Variants in MRPL3 observed in about 807,000 individuals in gnomAD.
The protein encoded by MRPL3 is large ribosomal subunit protein uL3m.
MRPL3 carries 43 observed loss-of-function variants against 44.3 expected under a neutral mutation model. The observed-to-expected ratio is 0.97, with a 90% confidence interval of 0.76 to 1.25. The LOEUF is 1.25. Among genes scored for constraint, MRPL3 ranks in the 50% most tolerant of loss-of-function variants. MRPL3 has a pLI of 0.00. For missense variants in MRPL3, 406 were observed against 427.6 expected (o/e 0.95, Z 0.45); for synonymous variants, 171 against 152.3 (o/e 1.12, Z -0.91).
chr3:131,462,645 T>C lies in MRPL3; in HGVS notation c.*78A>G. ...TTGTTGTGACTAAGAAAGGAGAGTA[T>C]GATTTCTGGTGGTTATGATATCACT... On this transcript the variant is annotated 3_prime_UTR_variant, in exon 10 of 10. Coordinates refer to ENST00000264995, the MANE Select transcript of MRPL3 (RefSeq NM_007208.4). 1.5e-6 allele frequency: 2 copies of C among 1,359,242 alleles called. No individual in the cohort carries two copies. The highest frequency in any genetic ancestry group is 2.2e-5 in the Admixed American group (1 of 45,268). 84.2% of individuals were successfully genotyped at this position (1,359,242 alleles called of 1,614,324 possible).
chr3:131,471,210 T>A lies in MRPL3; in HGVS notation c.699A>T (p.Gln233His), dbSNP rs759586223. 5 of 1,613,428 alleles carry A rather than the reference T, an allele frequency of 3.1e-6. No homozygotes were observed. The Admixed American group carries it at 6.7e-5, about 22-fold the overall frequency. Residue 233 changes from glutamine to histidine, a missense_variant, in exon 7 of 10, where the codon CAA becomes CAT. Gln to His is a conservative substitution (Grantham distance 24). Coordinates refer to ENST00000264995, the MANE Select transcript of MRPL3 (RefSeq NM_007208.4). ...CTCCAGGTCTCCTGTGGGTTTTCGT[T>A]TGACCATGCGTAGCAGGCTGGCCTT... Reference protein sequence around the residue: ...GFKGQPATHGQTKTHRRPGAV... With the variant: ...GFKGQPATHGHTKTHRRPGAV...
At chr3:131,463,150 C>G (rs550446555) in intron 9 of MRPL3, among the ~76,000 whole-genome samples, 7 of 152,232 alleles carry the variant, frequency 4.6e-5, no homozygotes, top group African/African-American at 1.4e-4. Context: ...GGATTGCCCA[C>G]AGGATGAAAT....
At chr3:131,486,323 T>C (rs184769651) in intron 6 of MRPL3, among the ~76,000 whole-genome samples, 171 of 79,862 alleles carry the variant, frequency 2.1e-3, no homozygotes, top group African/African-American at 7.9e-3. Flanking sequence ...AAGCCAAAAT[T>C]GACAAATGGG....
intron 6 of MRPL3, among the ~76,000 whole-genome samples, chr3:131,484,853 A>C (rs1200115538): frequency 6.6e-6 from 1 of 152,258 alleles, no homozygotes; most frequent in East Asian, 1.9e-4. Flanking sequence ...GGTCAAATAA[A>C]GTCCAATTCA....
chr3:131,495,595 G>C (rs1160880061), intron 4 of MRPL3, among the ~76,000 whole-genome samples: 1 of 152,088 alleles, frequency 6.6e-6, no homozygotes, highest in Non-Finnish European at 1.5e-5. Flanking sequence ...CCACTGAAGA[G>C]AATAAAGCTA....
At chr3:131,466,548 T>C (rs932608647) in intron 9 of MRPL3, among the ~76,000 whole-genome samples, 1 of 152,106 alleles carries the variant, frequency 6.6e-6, no homozygotes, top group African/African-American at 2.4e-5. Context: ...TTAAAAGATA[T>C]AATCAGAGCA....
In MRPL3 at chr3:131,477,728, G is replaced by A. The variant is rs1462881874; in HGVS notation, c.630-6449C>T. Among the ~76,000 whole-genome samples the A allele has an allele frequency of 2.6e-5, 4 of 152,166 alleles. No homozygotes were observed. The East Asian group carries it at 7.7e-4, about 29-fold the overall frequency. ...TTCAGTAGAGATCTCTAAAAGATAA[G>A]AATACTTTTGAAGAACAAAACCACA... On this transcript the variant is annotated intron_variant, in intron 6 of 9. Transcript: ENST00000264995.
At chr3:131,485,473 A>AT (rs1357122214) in intron 6 of MRPL3, among the ~76,000 whole-genome samples, 1 of 152,228 alleles carries the variant, frequency 6.6e-6, no homozygotes, top group Non-Finnish European at 1.5e-5. Flanking sequence ...TAATTCAAAA[A>AT]TTAACAAGTA....
chr3:131,468,275 C>G (rs990281768), intron 8 of MRPL3, 107 bp from the exon 9 acceptor site: 2 of 578,748 alleles, frequency 3.5e-6, no homozygotes, highest in African/African-American at 3.9e-5. Flanking sequence ...AGATTATTAC[C>G]AGTACTTCAG....
At chr3:131,492,050 C>T (rs1346833353) in intron 4 of MRPL3, among the ~76,000 whole-genome samples, 1 of 152,218 alleles carries the variant, frequency 6.6e-6, no homozygotes, top group Non-Finnish European at 1.5e-5. Flanking sequence ...AAGACCTTTG[C>T]GCATCCTATT....
chr3:131,501,939 T>G, intron 1 of MRPL3: 1 of 1,531,300 alleles, frequency 6.5e-7, no homozygotes, highest in Non-Finnish European at 8.7e-7. Context: ...AGAAAAAAAT[T>G]CATCTTCTCC....
intron 6 of MRPL3, among the ~76,000 whole-genome samples, chr3:131,482,546 T>A (rs1934016098): frequency 6.6e-6 from 1 of 151,862 alleles, no homozygotes; most frequent in Non-Finnish European, 1.5e-5. Context: ...ATTACTAAGA[T>A]AACATTGTCA....
At chr3:131,468,438 C>A (rs1024857697) in intron 8 of MRPL3, among the ~76,000 whole-genome samples, 5 of 152,080 alleles carry the variant, frequency 3.3e-5, no homozygotes, top group African/African-American at 1.2e-4. Flanking sequence ...TCAAAGGACT[C>A]TGTTGGCACC....
At position 131,469,144 on chromosome 3, in the gene MRPL3, C is replaced by T. The variant is rs928881302; in HGVS notation, c.816+552G>A. Among the ~76,000 whole-genome samples the T allele has an allele frequency of 2.6e-5, 4 of 151,830 alleles. 1 individual carries two copies. Among genetic ancestry groups the T allele is most frequent in the Admixed American group, 2.0e-4 (3 of 15,186 alleles). On this transcript the variant is annotated intron_variant, in intron 8 of 9. Coordinates refer to ENST00000264995, the MANE Select transcript of MRPL3 (RefSeq NM_007208.4). ...TATACACAGACATTTTTTATAAAAA[C>T]GGATGTATATCATAATCCTTTTGTA... is the stretch of plus-strand genomic sequence containing the variant.
chr3:131,483,920 A>G (rs1444293815), intron 6 of MRPL3, among the ~76,000 whole-genome samples: 1 of 152,234 alleles, frequency 6.6e-6, no homozygotes, highest in Non-Finnish European at 1.5e-5. Flanking sequence ...GTGAAGATTG[A>G]TAATTAAAAT....
At chr3:131,501,959 A>C (rs1038302717) in intron 1 of MRPL3, 2 of 1,505,334 alleles carry the variant, frequency 1.3e-6, no homozygotes, top group East Asian at 4.9e-5. Flanking sequence ...CTCGCAGATA[A>C]ACATATTCCC....
chr3:131,490,227 CTTAT>C (rs1444486709), intron 4 of MRPL3, 147 bp from the exon 5 acceptor site: 3 of 594,140 alleles, frequency 5.0e-6, no homozygotes, highest in Admixed American at 2.9e-5. Context: ...CCCAATTCCC[CTTAT>C]TTAAGGGAGG....
At chr3:131,476,570 A>G (rs1279682927) in intron 6 of MRPL3, among the ~76,000 whole-genome samples, 1 of 152,194 alleles carries the variant, frequency 6.6e-6, no homozygotes, top group Non-Finnish European at 1.5e-5. Flanking sequence ...CAGAAAAAAA[A>G]TCAAATAGAG....
At chr3:131,462,925 A>G (rs1933523921) in intron 9 of MRPL3, 50 bp from the exon 10 acceptor site, 3 of 1,487,892 alleles carry the variant, frequency 2.0e-6, no homozygotes, top group Non-Finnish European at 2.8e-6. Context: ...CTTTAAAGGT[A>G]GACTTTTCAG....
Sources: allele counts gnomAD v4.1 joint callset (sites outside exome capture counted in the v4.1 genomes callset), GRCh38; gene constraint gnomAD v4.1.1; transcripts MANE v1.5; gene names NCBI Gene and HGNC (gene_info 2026-07-23, HGNC 2026-07-21).